The following ICE2 variants were observed in gnomAD, a reference collection of about 807,000 sequenced individuals.
The protein encoded by ICE2 is little elongation complex subunit 2.
In ICE2, 87 loss-of-function variants were observed where a neutral mutation model predicts 105.4. That is an observed-to-expected ratio of 0.83 (90% CI 0.69 to 0.99). ICE2 has a LOEUF of 0.99. Among genes scored for constraint, ICE2 ranks in the 50% least tolerant of loss-of-function variants. The probability of loss-of-function intolerance (pLI) is 0.00; values close to 1 mark genes in which losing one functional copy is unlikely to be tolerated. For synonymous variants in ICE2, 399 were observed against 392.0 expected, an observed-to-expected ratio of 1.02 and a Z score of -0.21; for missense variants, 1,323 against 1,146.7, an observed-to-expected ratio of 1.15 and a Z score of -2.22.
chr15:60,449,074 T>G lies in ICE2; in HGVS notation c.1893A>C (p.Leu631Phe), dbSNP rs1275952391. The G allele has an allele frequency of 3.1e-6, 5 of 1,613,552 alleles. No individual in the cohort carries two copies. The highest frequency in any genetic ancestry group is 4.2e-6 in the Non-Finnish European group (5 of 1,179,820). Reference protein sequence around the residue: ...TACSPEESCVLKKPIKRVYKK... With the variant: ...TACSPEESCVFKKPIKRVYKK... ...TATATACTCGTTTGATAGGTTTTTT[T>G]AAAACACATGACTCTTCAGGACTAC... The change falls in exon 10 of 16, where the codon TTA becomes TTC. Residue 631 changes from leucine to phenylalanine, a missense_variant. Physicochemically the swap from Leu to Phe is conservative, Grantham distance 22. Transcript: ENST00000261520.
intron 14 of ICE2, 94 bp from the exon 15 acceptor site, chr15:60,428,781 A>T: frequency 7.6e-7 from 1 of 1,307,550 alleles, no homozygotes; most frequent in Non-Finnish European, 1.1e-6. Context: ...ATTGAAAATT[A>T]TGAGAAGATC....
rs753819305 is a variant in ICE2, at chr15:60,449,483, AC to A, written c.1483del (p.Val495TyrfsTer8). ...TATCAAAGGCTTGTCAGAATTTGAT[AC>A]CTTTTCACATGATTCAAATCCCTGA... ...DDQGFESCEK[V>X]SNSDKPLIQD... On this transcript the variant is annotated frameshift_variant, in exon 10 of 16. Transcript: ENST00000261520. LOFTEE classifies it high-confidence loss of function. 1.2e-6 allele frequency: 2 copies of A among 1,614,150 alleles called. No homozygotes were observed. Among genetic ancestry groups the A allele is most frequent in the Non-Finnish European group, 1.7e-6 (2 of 1,180,006 alleles).
In ICE2 at chr15:60,433,289, G is replaced by A. The variant is rs192623190; in HGVS notation, c.2511-1305C>T. Among the ~76,000 whole-genome samples the A allele has an allele frequency of 1.5e-4, 23 of 151,406 alleles. No homozygotes were observed. The East Asian group carries it at 1.8e-3, about 12-fold the overall frequency. On this transcript the variant is annotated intron_variant, in intron 13 of 15. Transcript: ENST00000261520. Reference sequence around the variant, plus strand: ...ATTTTAGTAGAGATGGGGTTTCACCGTGTTAGCCAGGATGGTCTCATCTCC... The same window carrying A: ...ATTTTAGTAGAGATGGGGTTTCACCATGTTAGCCAGGATGGTCTCATCTCC...
chr15:60,456,305 G>A (rs147835997), intron 6 of ICE2, among the ~76,000 whole-genome samples: 94 of 150,810 alleles, frequency 6.2e-4, no homozygotes, highest in African/African-American at 2.1e-3. Context: ...CACTTTGGGA[G>A]GCTAAGGCAG....
In ICE2 at chr15:60,466,727, A is replaced by T. The variant is rs766540237; in HGVS notation, c.409-14T>A. 4 of 1,587,000 alleles carry T rather than the reference A, an allele frequency of 2.5e-6. No homozygotes were observed. The South Asian group carries it at 4.5e-5, about 18-fold the overall frequency. On this transcript the variant is annotated splice_polypyrimidine_tract_variant and intron_variant, in intron 4 of 15. Coordinates refer to ENST00000261520, the MANE Select transcript of ICE2 (RefSeq NM_024611.6). ...TTTTTTCATATCCTGATTTTTAAAA[A>T]AGTAGACATGTCTTGGGATAAAAAG...
chr15:60,470,750 T>G (rs1366200118), intron 3 of ICE2, among the ~76,000 whole-genome samples: 5 of 152,348 alleles, frequency 3.3e-5, no homozygotes, highest in South Asian at 4.1e-4. Context: ...ACTACCTCAT[T>G]ATATCTCATA....
At chr15:60,427,580 A>T (rs1259989542) in intron 15 of ICE2, among the ~76,000 whole-genome samples, 1 of 152,160 alleles carries the variant, frequency 6.6e-6, no homozygotes, top group Non-Finnish European at 1.5e-5. Context: ...GTGCACCATG[A>T]TGCCAGGCTA....
intron 14 of ICE2, among the ~76,000 whole-genome samples, chr15:60,429,987 A>C (rs1025326421): frequency 5.3e-5 from 8 of 152,238 alleles, no homozygotes; most frequent in Non-Finnish European, 1.2e-4. Context: ...TCTAATGTAC[A>C]TAGATGAATA....
chr15:60,477,877 T>C (rs1335927114), intron 2 of ICE2, 60 bp downstream of exon 2: 2 of 1,378,618 alleles, frequency 1.5e-6, no homozygotes, highest in Non-Finnish European at 1.0e-6. Context: ...TATTTTCTTA[T>C]GTCAACCATC....
chr15:60,436,060 T>G, intron 13 of ICE2, 83 bp downstream of exon 13: 1 of 550,562 alleles, frequency 1.8e-6, no homozygotes, highest in South Asian at 3.2e-5. Flanking sequence ...TGAAAATAAT[T>G]TAAGCTTAAA....
At position 60,468,294 on chromosome 15, in the gene ICE2, C is replaced by G; in HGVS notation, c.175G>C (p.Ala59Pro). ...GCCGGCTCATTTTCTACAGAACTTG[C>G]TGAGGCATTCAAATTTTCTCCTATA... ...RRIGENLNAS[A>P]SSVENEPAVS... is the part of the protein sequence containing the mutation. The change falls in exon 4 of 16, where the codon GCA (alanine) becomes CCA (proline). Residue 59 changes from alanine to proline, a missense_variant. Coordinates refer to ENST00000261520, the MANE Select transcript of ICE2 (RefSeq NM_024611.6). 1 of 1,608,282 alleles carries G rather than the reference C, an allele frequency of 6.2e-7. No individual in the cohort carries two copies.
intron 2 of ICE2, among the ~76,000 whole-genome samples, chr15:60,476,619 T>C (rs369300172): frequency 1.3e-5 from 2 of 152,222 alleles, no homozygotes; most frequent in Non-Finnish European, 2.9e-5. Context: ...AAAGACTAAA[T>C]AGCCTAGCTA....
Position 60,431,920 on chromosome 15 carries a change from TA to T in ICE2, c.2561+13del. ...ATCAGATGTATCAAAGCAAAATGCCTAAAAAATACTTACCTACTTAGTTTCT... is the reference window on the plus strand; with the variant it reads ...ATCAGATGTATCAAAGCAAAATGCCTAAAAATACTTACCTACTTAGTTTCT... On this transcript the variant is annotated intron_variant, in intron 14 of 15. Coordinates refer to ENST00000261520, the MANE Select transcript of ICE2 (RefSeq NM_024611.6). 4 of 1,318,702 alleles carry T rather than the reference TA, an allele frequency of 3.0e-6. No individual in the cohort carries two copies. The highest frequency in any genetic ancestry group is 2.9e-5 in the African/African-American group (2 of 69,894). The allele number at this position is 1,318,702 out of a possible 1,614,324, so 81.7% of individuals were successfully genotyped here. A position where few individuals can be genotyped will look rare whatever the true frequency, so the allele number is the denominator to read the frequency against.
At chr15:60,468,969 C>T (rs879821923) in intron 3 of ICE2, among the ~76,000 whole-genome samples, 2 of 152,130 alleles carry the variant, frequency 1.3e-5, no homozygotes, top group African/African-American at 4.8e-5. Flanking sequence ...CCTGGCGTAT[C>T]GTTAATGAAA....
At chr15:60,465,700 ATG>A (rs1483452320) in intron 5 of ICE2, among the ~76,000 whole-genome samples, 1 of 147,102 alleles carries the variant, frequency 6.8e-6, no homozygotes, top group Non-Finnish European at 1.5e-5. Context: ...TACTACAAAT[ATG>A]TGTGTGTGTA....
intron 9 of ICE2, 45 bp downstream of exon 9, chr15:60,453,558 T>G: frequency 6.3e-7 from 1 of 1,593,964 alleles, no homozygotes; most frequent in South Asian, 1.2e-5. Context: ...TTCAAAAGGA[T>G]AAACAAGTAC....
At chr15:60,460,933 T>C (rs1439920280) in intron 5 of ICE2, among the ~76,000 whole-genome samples, 1 of 152,220 alleles carries the variant, frequency 6.6e-6, no homozygotes. Context: ...GGTTTCTCAA[T>C]GCAAGCACCC....
intron 3 of ICE2, among the ~76,000 whole-genome samples, chr15:60,469,030 G>A (rs866667648): frequency 6.6e-6 from 1 of 152,142 alleles, no homozygotes; most frequent in African/African-American, 2.4e-5. Flanking sequence ...TACCATATGT[G>A]TTTATGGAAT....
intron 12 of ICE2, 45 bp from the exon 13 acceptor site, chr15:60,436,272 T>C (rs776379077): frequency 5.4e-6 from 4 of 737,600 alleles, no homozygotes; most frequent in Non-Finnish European, 8.4e-6. Context: ...AATTGCAGTA[T>C]TTAGAAAAAA....
Sources: gnomAD v4.1 joint callset for allele counts (sites outside exome capture counted in the v4.1 genomes callset) on GRCh38, gnomAD v4.1.1 for gene constraint, MANE v1.5 for transcripts, NCBI Gene and HGNC (gene_info 2026-07-23, HGNC 2026-07-21) for gene names.